Variants in DHX58 observed in about 807,000 individuals in gnomAD.
The protein encoded by DHX58 is ATP-dependent RNA helicase DHX58.
DHX58 carries 51 observed loss-of-function variants against 65.0 expected under a neutral mutation model. The ratio of observed to expected loss-of-function variants is 0.78; its 90% CI spans 0.63 to 0.99. DHX58 has a LOEUF of 0.99. Ranked by LOEUF, DHX58 falls within the 50% of genes least tolerant of loss-of-function variation. DHX58 has a pLI of 0.00. For synonymous variants in DHX58, 350 were observed against 365.0 expected, an observed-to-expected ratio of 0.96 and a Z score of 0.47; for missense variants, 773 against 891.8, an observed-to-expected ratio of 0.87 and a Z score of 1.70.
rs779048837 is a variant in DHX58, at chr17:42,103,679, C to A, written c.1683G>T (p.Val561=). 2.5e-5 allele frequency: 40 copies of A among 1,613,944 alleles called. No homozygotes were observed. Among genetic ancestry groups the A allele is most frequent in the Non-Finnish European group, 3.3e-5 (39 of 1,180,054 alleles). ...GCAGGTCGCTGCCATGGCCCACAGC[C>A]ACCATGCAGTTGATGCAGAGTAGCT... The part of the protein sequence containing the change: ...HVQLLCINCM[V]AVGHGSDLRK... Residue 561 remains valine, a synonymous_variant, in exon 12 of 14, where the codon GTG becomes GTT. Transcript: ENST00000251642.
intron 4 of DHX58, 71 bp from the exon 5 acceptor site, chr17:42,110,984 C>T (rs2054141446): frequency 6.8e-7 from 1 of 1,476,534 alleles, no homozygotes; most frequent in Non-Finnish European, 9.1e-7. Flanking sequence ...TTCAAGTAGT[C>T]CCCACAATGA....
At position 42,102,326 on chromosome 17, in the gene DHX58, G is replaced by A. The variant is rs782588349; in HGVS notation, c.1755-14C>T. 4 of 1,611,766 alleles carry A rather than the reference G, an allele frequency of 2.5e-6. No homozygotes were observed. In the African/African-American group the frequency reaches 5.3e-5, roughly 22 times the overall value. ...TTATAGTAGTTCCTGGAGAGGAAGG[G>A]GGGTGGCCACAGCCCTCATTGACCC... On this transcript the variant is annotated splice_polypyrimidine_tract_variant and intron_variant, in intron 12 of 13. Transcript: ENST00000251642.
At chr17:42,104,309 A>G (rs2054021979) in intron 11 of DHX58, among the ~76,000 whole-genome samples, 1 of 152,108 alleles carries the variant, frequency 6.6e-6, no homozygotes, top group Non-Finnish European at 1.5e-5. Context: ...ACTTTAGGCA[A>G]AGCTGCTTCT....
Position 42,105,036 on chromosome 17 carries a change from A to G in DHX58, c.1383T>C (p.Asn461=). The G allele has an allele frequency of 6.2e-7, 1 of 1,613,396 alleles. No individual in the cohort carries two copies. Among genetic ancestry groups the G allele is most frequent in the Non-Finnish European group, 8.5e-7 (1 of 1,179,828 alleles). The part of the protein sequence containing the change: ...NVVVRYGLLT[N]EISMVQARGR... ...TGAGTACCTGGACCATGGAGATTTC[A>G]TTGGTCAAGAGCCCATAACGCACCA... Residue 461 remains asparagine, a synonymous_variant, in exon 10 of 14, where the codon AAT becomes AAC. Transcript: ENST00000251642.
intron 6 of DHX58, 54 bp from the exon 7 acceptor site, chr17:42,108,162 C>T: frequency 6.2e-7 from 1 of 1,612,390 alleles, no homozygotes. Flanking sequence ...GGATGGGCAC[C>T]CAGTGGGGGT....
chr17:42,110,346 G>A (rs545226738), intron 5 of DHX58, among the ~76,000 whole-genome samples: 7 of 152,276 alleles, frequency 4.6e-5, no homozygotes, highest in Admixed American at 2.6e-4. Context: ...GAGGCAGCAG[G>A]AAAAGTTCAA....
chr17:42,104,840 C>A lies in DHX58; in HGVS notation c.1489G>T (p.Glu497Ter). The A allele has an allele frequency of 1.9e-6, 3 of 1,614,182 alleles. No individual in the cohort carries two copies. The highest frequency in any genetic ancestry group is 2.5e-6 in the Non-Finnish European group (3 of 1,180,034). The change falls in exon 11 of 14, where the codon GAG becomes TAG. Residue 497 changes from glutamate to a stop codon, truncating the protein, a stop_gained. Transcript: ENST00000251642. LOFTEE classifies it high-confidence loss of function. The part of the protein sequence containing the change: ...SRELKRELIN[E>*]ALETLMEQAV... The stretch of plus-strand genomic sequence containing the variant: ...TGCTCCATCAGCGTCTCCAGCGCCT[C>A]GTTGATCAGCTCCCGCTTCAGCTCC...
chr17:42,106,209 A>G (rs1422704614), intron 8 of DHX58, among the ~76,000 whole-genome samples: 2 of 148,038 alleles, frequency 1.4e-5, no homozygotes, highest in Admixed American at 6.7e-5. Flanking sequence ...AGAGAGAAAG[A>G]GAGAAGGAAA....
rs1419838396 is a variant in DHX58 at position 42,103,670 on chromosome 17, G to A, written c.1692C>T (p.Gly564=). 6.2e-7 allele frequency: 1 copy of A among 1,613,844 alleles called. No individual in the cohort carries two copies. The highest frequency in any genetic ancestry group is 8.5e-7 in the Non-Finnish European group (1 of 1,180,038). ...CCACCTTCCGCAGGTCGCTGCCATG[G>A]CCCACAGCCACCATGCAGTTGATGC... ...LLCINCMVAV[G]HGSDLRKVEG... Residue 564 remains glycine (G), a synonymous_variant, in exon 12 of 14, where the codon GGC becomes GGT. Coordinates refer to ENST00000251642, the MANE Select transcript of DHX58 (RefSeq NM_024119.3).
In DHX58 at chr17:42,101,876, T is replaced by G; in HGVS notation, c.1922A>C (p.Glu641Ala). The change falls in exon 14 of 14, where the codon GAG becomes GCG. Residue 641 changes from glutamate (E) to alanine (A), a missense_variant. By Grantham distance (107) the Glu-to-Ala change is moderately radical. Transcript: ENST00000251642. ...PVLKVRSMLL[E>A]TPQGRIQAKK... ...GGCCTGGATCCGCCCCTGAGGGGTC[T>G]CCAGCAGCATGCTGCGGACTTTGAG... is the stretch of plus-strand genomic sequence containing the variant. 1.2e-6 allele frequency: 2 copies of G among 1,614,242 alleles called. No individual in the cohort carries two copies. The highest frequency in any genetic ancestry group is 1.7e-6 in the Non-Finnish European group (2 of 1,180,040).
Position 42,112,100 on chromosome 17 carries a change from G to T in DHX58, c.-2+13C>A. On this transcript the variant is annotated intron_variant, in intron 2 of 13. Transcript: ENST00000251642. Reference sequence around the variant, plus strand: ...ACAGGCTACACCTGCCCCCTGCCCAGCCCAGGACTCACCTGCTCTAGTAGG... The same window carrying T: ...ACAGGCTACACCTGCCCCCTGCCCATCCCAGGACTCACCTGCTCTAGTAGG... The T allele has an allele frequency of 1.7e-6, 1 of 593,146 alleles. No individual in the cohort carries two copies. Among genetic ancestry groups the T allele is most frequent in the Non-Finnish European group, 2.8e-6 (1 of 354,100 alleles). 36.7% of individuals were successfully genotyped at this position (593,146 alleles called of 1,614,324 possible). A position where few individuals can be genotyped will look rare whatever the true frequency, so the allele number is the denominator to read the frequency against.
chr17:42,105,564 G>A (rs527759394), intron 9 of DHX58, among the ~76,000 whole-genome samples, 172 bp downstream of exon 9: 9 of 152,070 alleles, frequency 5.9e-5, no homozygotes, highest in Non-Finnish European at 1.3e-4. Flanking sequence ...CACTGGGGAG[G>A]TCAGTGTCCG....
chr17:42,107,475 G>A, intron 8 of DHX58, 129 bp downstream of exon 8: 1 of 1,122,608 alleles, frequency 8.9e-7, no homozygotes, highest in Non-Finnish European at 1.2e-6. Context: ...ATTTTGGTTA[G>A]AAAAATAGGA....
Position 42,101,916 on chromosome 17 carries a change from C to T in DHX58, c.1882G>A (p.Val628Met). 4 of 1,613,866 alleles carry T rather than the reference C, an allele frequency of 2.5e-6. No individual in the cohort carries two copies. Among genetic ancestry groups the T allele is most frequent in the Non-Finnish European group, 3.4e-6 (4 of 1,179,856 alleles). ...VWGLQMIYKS[V>M]KLPVLKVRSM... ...CGGACTTTGAGCACTGGCAGCTTCACTGACTTGTAGATCATCTGCAGACCC... is the reference window on the plus strand; with the variant it reads ...CGGACTTTGAGCACTGGCAGCTTCATTGACTTGTAGATCATCTGCAGACCC... Residue 628 changes from valine (V) to methionine (M), a missense_variant, in exon 14 of 14, where the codon GTG becomes ATG. Coordinates refer to ENST00000251642, the MANE Select transcript of DHX58 (RefSeq NM_024119.3).
In DHX58 at chr17:42,109,264, G is replaced by T. The variant is rs72820868; in HGVS notation, c.678+6C>A. On this transcript the variant is annotated splice_donor_region_variant and intron_variant, in intron 6 of 13. Coordinates refer to ENST00000251642, the MANE Select transcript of DHX58 (RefSeq NM_024119.3). ...CCGCTCTCGCCGTGTCCCTGCCCCC[G>T]CGTACCTGGCTGCGCCTGTGGCAGA... 5,746 of 1,608,068 alleles carry T rather than the reference G, an allele frequency of 3.6e-3. 14 individuals carry two copies. Among genetic ancestry groups the T allele is most frequent in the Middle Eastern group, 5.6e-3 (34 of 6,050 alleles).
At position 42,111,352 on chromosome 17, in the gene DHX58, T is replaced by C; in HGVS notation, c.314A>G (p.Glu105Gly). The change falls in exon 4 of 14, where the codon GAG becomes GGG. Residue 105 changes from glutamate to glycine, a missense_variant. Transcript: ENST00000251642. ...GCTGGTCAGTGCCATCTGCAGAAGC[T>C]CTGCTGTGCAGATGAGCAGGTCATG... ...RCHDLLICTA[E>G]LLQMALTSPE... The C allele has an allele frequency of 6.2e-7, 1 of 1,614,130 alleles. No homozygotes were observed. Among genetic ancestry groups the C allele is most frequent in the Non-Finnish European group, 8.5e-7 (1 of 1,179,996 alleles).
Position 42,107,816 on chromosome 17 carries a change from G to C in DHX58, c.806-21C>G, listed in dbSNP as rs782272211. On this transcript the variant is annotated intron_variant, in intron 7 of 13. Transcript: ENST00000251642. ...AGCCGCTGCGGGAAGAGGGCGCAGG[G>C]TCTGAGCAGCCCACAGCCCCGCCCC... 36 of 1,554,262 alleles carry C rather than the reference G, an allele frequency of 2.3e-5. No individual in the cohort carries two copies. In the South Asian group the frequency reaches 4.2e-4, roughly 18 times the overall value.
intron 11 of DHX58, among the ~76,000 whole-genome samples, 158 bp downstream of exon 11, chr17:42,104,608 G>T (rs1171570635): frequency 6.6e-6 from 1 of 152,154 alleles, no homozygotes; most frequent in Non-Finnish European, 1.5e-5. Context: ...TTCCCTGGCA[G>T]CCCCACCCCG....
At chr17:42,105,580 C>T (rs2054043853) in intron 9 of DHX58, among the ~76,000 whole-genome samples, 156 bp downstream of exon 9, 2 of 152,132 alleles carry the variant, frequency 1.3e-5, no homozygotes, top group African/African-American at 4.8e-5. Context: ...GTCCGCCCCT[C>T]TCCCCTAGCT....
Sources: gnomAD v4.1 joint callset for allele counts (sites outside exome capture counted in the v4.1 genomes callset) on GRCh38, gnomAD v4.1.1 for gene constraint, MANE v1.5 for transcripts, NCBI Gene and HGNC (gene_info 2026-07-23, HGNC 2026-07-21) for gene names.